USH2A: variants seen among roughly 807,000 people sequenced by gnomAD.
USH2A encodes Usher syndrome 2A (autosomal recessive, mild).
In USH2A, 443 loss-of-function variants were observed where a neutral mutation model predicts 538.9. The observed-to-expected ratio is 0.82, with a 90% CI of 0.76 to 0.89. The LOEUF is 0.89. Among genes scored for constraint, USH2A ranks in the 40% least tolerant of loss-of-function variants. The pLI, the probability that USH2A is intolerant of heterozygous loss-of-function variation, is 0.00. For synonymous variants in USH2A, 2,413 were observed against 2,273.5 expected, an observed-to-expected ratio of 1.06 and a Z score of -1.75; for missense variants, 6,633 against 6,324.8, an observed-to-expected ratio of 1.05 and a Z score of -1.65.
intron 52 of USH2A, among the ~76,000 whole-genome samples, chr1:215,784,650 G>A (rs1224393433): frequency 6.6e-6 from 1 of 152,146 alleles, no homozygotes; most frequent in East Asian, 1.9e-4. Flanking sequence ...TCAAGTGTAA[G>A]TTTCTAAAAG....
intron 46 of USH2A, among the ~76,000 whole-genome samples, chr1:215,843,929 G>C (rs1027857422): frequency 4.6e-5 from 7 of 151,940 alleles, no homozygotes; most frequent in African/African-American, 1.7e-4. Flanking sequence ...AATGGGAAGA[G>C]AAAAAAACAT....
intron 37 of USH2A, among the ~76,000 whole-genome samples, chr1:215,959,530 T>C (rs1558182736): frequency 1.3e-5 from 2 of 152,140 alleles, no homozygotes; most frequent in East Asian, 3.9e-4. Context: ...GAAAGAGTTA[T>C]CTGAGATCCA....
At chr1:216,296,420 C>G (rs2102616443) in intron 9 of USH2A, among the ~76,000 whole-genome samples, 1 of 152,140 alleles carries the variant, frequency 6.6e-6, no homozygotes, top group East Asian at 1.9e-4. Context: ...GCTCCTGTCA[C>G]TCTACTGAAA....
rs139081694 is a variant in USH2A, at chr1:216,273,788, T to C, written c.1971+15492A>G. ...TTATGACTTGTTAAATAGAGAATGC[T>C]TACCCCAAATTGTCCTCCAATCCAG... On this transcript the variant is annotated intron_variant, in intron 11 of 71. Transcript: ENST00000307340. 2.2e-4 allele frequency among the ~76,000 whole-genome samples: 33 copies of C among 148,826 alleles called. No individual in the cohort carries two copies. The East Asian group carries it at 3.9e-3, about 18-fold the overall frequency.
In USH2A at chr1:216,199,729, T is replaced by G. The variant is rs778532854; in HGVS notation, c.3709A>C (p.Thr1237Pro). The change falls in exon 17 of 72, where the codon ACC becomes CCC. Residue 1237 changes from threonine (T) to proline (P), a missense_variant. Thr to Pro is a conservative substitution (Grantham distance 38). Coordinates refer to ENST00000307340, the MANE Select transcript of USH2A (RefSeq NM_206933.4). ...GCLHSLPITV[T>P]TAQAPPQRLS... ...CTTTGGGGAGGGGCCTGGGCTGTGG[T>G]CACTGTAATGGGCAAGCTGTGTAAA... 12 of 1,614,100 alleles carry G rather than the reference T, an allele frequency of 7.4e-6. No individual in the cohort carries two copies. Among genetic ancestry groups the G allele is most frequent in the Non-Finnish European group, 1.0e-5 (12 of 1,179,996 alleles).
At chr1:215,904,857 C>G (rs1665593315) in intron 38 of USH2A, among the ~76,000 whole-genome samples, 2 of 151,956 alleles carry the variant, frequency 1.3e-5, no homozygotes, top group African/African-American at 4.8e-5. Flanking sequence ...TCATACAAAA[C>G]ATTAAGCAAT....
intron 58 of USH2A, among the ~76,000 whole-genome samples, chr1:215,749,733 A>G (rs1313308586): frequency 6.6e-6 from 1 of 152,186 alleles, no homozygotes; most frequent in Non-Finnish European, 1.5e-5. Flanking sequence ...AAGTGAACCA[A>G]TTTACCCTAA....
chr1:216,326,878 A>T (rs566079551), intron 5 of USH2A, among the ~76,000 whole-genome samples: 2 of 152,174 alleles, frequency 1.3e-5, no homozygotes, highest in Non-Finnish European at 2.9e-5. Flanking sequence ...AATAAGATCA[A>T]CTCATCCATA....
In USH2A at chr1:216,323,703, T is replaced by A; in HGVS notation, c.1329-8A>T. The A allele has an allele frequency of 6.2e-7, 1 of 1,612,676 alleles. No individual in the cohort carries two copies. Among genetic ancestry groups the A allele is most frequent in the Non-Finnish European group, 8.5e-7 (1 of 1,179,068 alleles). The stretch of plus-strand genomic sequence containing the variant: ...CGGGAATATGGAGTAAAACTGTTAA[T>A]GAAAGAAATTCGATGTCATGAAAAT... On this transcript the variant is annotated splice_region_variant and splice_polypyrimidine_tract_variant and intron_variant, in intron 7 of 71. Transcript: ENST00000307340.
chr1:216,083,983 G>T (rs2032034294), intron 25 of USH2A, among the ~76,000 whole-genome samples: 2 of 152,064 alleles, frequency 1.3e-5, no homozygotes. Flanking sequence ...TTTTTGTGCT[G>T]AAGGCAGTTT....
chr1:216,097,424 C>T (rs999818050), intron 21 of USH2A, among the ~76,000 whole-genome samples: 1 of 152,122 alleles, frequency 6.6e-6, no homozygotes, highest in Non-Finnish European at 1.5e-5. Flanking sequence ...GCCCACATTC[C>T]TGCTAATCAA....
Position 216,048,640 on chromosome 1 carries a change from C to G in USH2A, c.6057G>C (p.Leu2019Phe). Residue 2019 changes from leucine to phenylalanine, a missense_variant, in exon 31 of 72, where the codon TTG becomes TTC. Leu to Phe is a conservative substitution (Grantham distance 22, BLOSUM62 0). Coordinates refer to ENST00000307340, the MANE Select transcript of USH2A (RefSeq NM_206933.4). ...FVNTSNLTGI[L>F]TGLLPFKNYA... is the part of the protein sequence containing the mutation. ...AGTTTTTGAAGGGTAGCAAGCCTGTCAATATGCCTATAATAAAAAGGGACA... is the reference window on the plus strand; with the variant it reads ...AGTTTTTGAAGGGTAGCAAGCCTGTGAATATGCCTATAATAAAAAGGGACA... 1 of 1,613,892 alleles carries G rather than the reference C, an allele frequency of 6.2e-7. No individual in the cohort carries two copies. The highest frequency in any genetic ancestry group is 8.5e-7 in the Non-Finnish European group (1 of 1,179,864).
chr1:215,664,870 T>C (rs1571940984), intron 64 of USH2A, among the ~76,000 whole-genome samples: 1 of 152,114 alleles, frequency 6.6e-6, no homozygotes, highest in Admixed American at 6.5e-5. Context: ...CCTTGTACTT[T>C]CCCGCCTCTA....
At chr1:215,742,043 T>C (rs1044901548) in intron 59 of USH2A, among the ~76,000 whole-genome samples, 1 of 152,208 alleles carries the variant, frequency 6.6e-6, no homozygotes, top group African/African-American at 2.4e-5. Flanking sequence ...AGACGTTGAC[T>C]TTGTACTTGA....
chr1:216,243,235 A>G (rs542694049), intron 13 of USH2A, among the ~76,000 whole-genome samples: 104 of 152,312 alleles, frequency 6.8e-4, no homozygotes, highest in African/African-American at 2.4e-3. Flanking sequence ...TTTTGTGCAT[A>G]TATTTCCTCA....
intron 70 of USH2A, among the ~76,000 whole-genome samples, chr1:215,629,590 A>C (rs1656189355): frequency 1.3e-5 from 2 of 152,014 alleles, no homozygotes; most frequent in South Asian, 4.2e-4. Flanking sequence ...ATATTCCTCC[A>C]TTTCTTATAG....
chr1:215,941,248 G>A (rs1666625295), intron 37 of USH2A, among the ~76,000 whole-genome samples: 1 of 151,886 alleles, frequency 6.6e-6, no homozygotes, highest in Non-Finnish European at 1.5e-5. Context: ...ATATATGCAT[G>A]TATATTATAC....
rs981826382 is a variant in USH2A, at chr1:216,109,370, C to T, written c.4628-12157G>A. On this transcript the variant is annotated intron_variant, in intron 21 of 71. Coordinates refer to ENST00000307340, the MANE Select transcript of USH2A (RefSeq NM_206933.4). Reference sequence around the variant, plus strand: ...CCCCATCTACAATAGCATACTCCTCCGCTGTCTGAACAAGTGTTTAGCCTC... The same window carrying T: ...CCCCATCTACAATAGCATACTCCTCTGCTGTCTGAACAAGTGTTTAGCCTC... Among the ~76,000 whole-genome samples the T allele has an allele frequency of 1.2e-3, 184 of 152,238 alleles. 2 individuals are homozygous for T. Among genetic ancestry groups the T allele is most frequent in the African/African-American group, 4.0e-3 (168 of 41,542 alleles).
At chr1:216,156,284 CTTTTTTTTTTCTTT>C (rs901906027) in intron 21 of USH2A, among the ~76,000 whole-genome samples, 5 of 102,602 alleles carry the variant, frequency 4.9e-5, no homozygotes, top group Middle Eastern at 5.7e-3. Flanking sequence ...TTCTTTCTTT[CTTTTTTTTTTCTTT>C]TTTTTTTTTT....
Sources: gnomAD v4.1 joint callset for allele counts (sites outside exome capture counted in the v4.1 genomes callset) on GRCh38, gnomAD v4.1.1 for gene constraint, MANE v1.5 for transcripts, NCBI Gene and HGNC (gene_info 2026-07-23, HGNC 2026-07-21) for gene names.